The following PDLIM5 variants were observed in gnomAD, a reference collection of about 807,000 sequenced individuals.
PDLIM5 encodes the protein PDZ and LIM domain 5, also known as PDZ and LIM domain protein 5.
A neutral mutation model predicts 64.2 loss-of-function variants in PDLIM5; 34 were observed. The observed-to-expected ratio is 0.53, with a 90% CI of 0.40 to 0.71. The LOEUF (loss-of-function observed/expected upper bound fraction) is 0.71, where lower values mean the gene tolerates loss of function less well. PDLIM5 is among the 30% of genes least tolerant of loss of function. PDLIM5 has a pLI of 0.00. For missense variants in PDLIM5, 683 were observed against 733.6 expected, an observed-to-expected ratio of 0.93 and a Z score of 0.80; for synonymous variants, 253 against 269.1, an observed-to-expected ratio of 0.94 and a Z score of 0.59.
chr4:94,540,409 C>T (rs1179915174), intron 3 of PDLIM5, among the ~76,000 whole-genome samples: 3 of 152,222 alleles, frequency 2.0e-5, no homozygotes, highest in Admixed American at 2.0e-4. Context: ...TGAGCCACCG[C>T]ACCCAGCCTA....
intron 9 of PDLIM5, among the ~76,000 whole-genome samples, chr4:94,652,120 C>T (rs1057315517): frequency 2.6e-5 from 4 of 152,094 alleles, no homozygotes; most frequent in Non-Finnish European, 5.9e-5. Flanking sequence ...TAGACATGTT[C>T]CAGGAGCAGA....
chr4:94,620,448 CATCATCT>C (rs1270775316), intron 8 of PDLIM5, among the ~76,000 whole-genome samples: 2 of 151,414 alleles, frequency 1.3e-5, no homozygotes, highest in Non-Finnish European at 2.9e-5. Flanking sequence ...GAGGTGGGAG[CATCATCT>C]GAGCTCAGGA....
chr4:94,556,307 G>C (rs1733315023), intron 3 of PDLIM5, among the ~76,000 whole-genome samples: 1 of 152,082 alleles, frequency 6.6e-6, no homozygotes, highest in African/African-American at 2.4e-5. Context: ...GCCTATCATT[G>C]ATGGACATTT....
At chr4:94,582,765 G>T (rs1162958342) in intron 5 of PDLIM5, 1 of 1,387,050 alleles carries the variant, frequency 7.2e-7, no homozygotes, top group Non-Finnish European at 1.0e-6. Flanking sequence ...CTTTGTAATT[G>T]TCTCTGTAAC....
At chr4:94,607,177 A>G (rs1737998253) in intron 7 of PDLIM5, among the ~76,000 whole-genome samples, 1 of 152,210 alleles carries the variant, frequency 6.6e-6, no homozygotes, top group Admixed American at 6.5e-5. Context: ...GAAATAAAAA[A>G]CAGGAATATA....
chr4:94,451,975 C>G lies in PDLIM5; in HGVS notation c.-63C>G, dbSNP rs1722881497. On this transcript the variant is annotated 5_prime_UTR_variant, in exon 1 of 13. Coordinates refer to ENST00000317968, the MANE Select transcript of PDLIM5 (RefSeq NM_006457.5). Reference sequence around the variant, plus strand: ...GCCCTTGTCTGAGGCGGAGGCAGCCCCGCGCCGCGCCGGACCCGAGGTGAG... The same window carrying G: ...GCCCTTGTCTGAGGCGGAGGCAGCCGCGCGCCGCGCCGGACCCGAGGTGAG... 1 of 152,256 alleles carries G rather than the reference C, an allele frequency of 6.6e-6. No homozygotes were observed. The highest frequency in any genetic ancestry group is 2.4e-5 in the African/African-American group (1 of 41,434). 9.4% of individuals were successfully genotyped at this position (152,256 alleles called of 1,614,324 possible).
Position 94,456,712 on chromosome 4 carries a change from A to G in PDLIM5, c.96+1328A>G, listed in dbSNP as rs141595772. On this transcript the variant is annotated intron_variant, in intron 2 of 12. Transcript: ENST00000317968. Reference sequence around the variant, plus strand: ...GTGAATACCAAATATAAGTACATACATATATATGTGAATATATGTATCTAC... The same window carrying G: ...GTGAATACCAAATATAAGTACATACGTATATATGTGAATATATGTATCTAC... 714 of 1,315,086 alleles carry G rather than the reference A, an allele frequency of 5.4e-4. 1 individual carries two copies. The African/African-American group carries it at 9.3e-3, about 17-fold the overall frequency. The allele number at this position is 1,315,086 out of a possible 1,614,324, so 81.5% of individuals were successfully genotyped here. A position where few individuals can be genotyped will look rare whatever the true frequency, so the allele number is the denominator to read the frequency against.
At chr4:94,640,156 T>C in intron 8 of PDLIM5, 120 bp from the exon 9 acceptor site, 3 of 499,814 alleles carry the variant, frequency 6.0e-6, no homozygotes, top group Non-Finnish European at 1.0e-5. Flanking sequence ...ACTGTAAATG[T>C]GAGTGAGTGA....
chr4:94,625,117 T>A (rs1046526107), intron 8 of PDLIM5, among the ~76,000 whole-genome samples: 10 of 152,212 alleles, frequency 6.6e-5, no homozygotes, highest in African/African-American at 2.2e-4. Context: ...TTAACCTAAC[T>A]GGGCTGCTGG....
chr4:94,488,263 G>T (rs150216098), intron 2 of PDLIM5, among the ~76,000 whole-genome samples: 328 of 152,270 alleles, frequency 2.2e-3, no homozygotes, highest in African/African-American at 3.9e-3. Context: ...GAATTGAAAT[G>T]ATCTGTTTTT....
At chr4:94,465,267 A>G (rs1041301218) in intron 2 of PDLIM5, among the ~76,000 whole-genome samples, 3 of 152,212 alleles carry the variant, frequency 2.0e-5, no homozygotes, top group African/African-American at 7.2e-5. Context: ...GTATTAAATA[A>G]TAATGATAAT....
intron 3 of PDLIM5, among the ~76,000 whole-genome samples, chr4:94,558,271 A>G (rs528811683): frequency 5.3e-5 from 8 of 152,196 alleles, no homozygotes; most frequent in African/African-American, 1.9e-4. Flanking sequence ...TGTTGTTAAG[A>G]TGGTATTGAG....
At chr4:94,528,496 C>CA (rs1307435898) in intron 3 of PDLIM5, among the ~76,000 whole-genome samples, 6 of 152,092 alleles carry the variant, frequency 3.9e-5, no homozygotes, top group African/African-American at 2.4e-5. Flanking sequence ...TCTTTAAGAG[C>CA]AAAAACCATG....
At chr4:94,594,412 A>G (rs1736905945) in intron 7 of PDLIM5, among the ~76,000 whole-genome samples, 1 of 152,112 alleles carries the variant, frequency 6.6e-6, no homozygotes, top group Non-Finnish European at 1.5e-5. Context: ...AATAGAGAAA[A>G]TTTTATCATT....
intron 4 of PDLIM5, among the ~76,000 whole-genome samples, chr4:94,574,027 A>G (rs866991975): frequency 1.3e-5 from 2 of 152,156 alleles, no homozygotes; most frequent in Admixed American, 6.5e-5. Context: ...AGCATTTCAG[A>G]TTTTGGATTC....
chr4:94,576,854 A>G (rs1205648643), intron 5 of PDLIM5, among the ~76,000 whole-genome samples: 1 of 152,182 alleles, frequency 6.6e-6, no homozygotes, highest in Non-Finnish European at 1.5e-5. Context: ...TCTGTTTTTC[A>G]GCAACCTTCA....
intron 9 of PDLIM5, among the ~76,000 whole-genome samples, chr4:94,645,397 T>C (rs1741334882): frequency 6.6e-6 from 1 of 152,218 alleles, no homozygotes; most frequent in African/African-American, 2.4e-5. Flanking sequence ...ATCTTTTCCA[T>C]ACACTGACTT....
At chr4:94,527,302 G>T (rs975699939) in intron 3 of PDLIM5, among the ~76,000 whole-genome samples, 1 of 151,626 alleles carries the variant, frequency 6.6e-6, no homozygotes, top group Non-Finnish European at 1.5e-5. Context: ...TGATCTGCCC[G>T]CCTTGTCCTC....
chr4:94,522,266 C>G (rs966744106), intron 2 of PDLIM5, among the ~76,000 whole-genome samples: 1 of 152,194 alleles, frequency 6.6e-6, no homozygotes, highest in African/African-American at 2.4e-5. Flanking sequence ...TGGCGTATAG[C>G]TCACTCGCTT....
Sources: allele counts gnomAD v4.1 joint callset (sites outside exome capture counted in the v4.1 genomes callset), GRCh38; gene constraint gnomAD v4.1.1; transcripts MANE v1.5; gene names NCBI Gene and HGNC (gene_info 2026-07-23, HGNC 2026-07-21).